Variants in DNAH14 observed in about 807,000 individuals in gnomAD.
DNAH14 encodes the protein axonemal beta dynein heavy chain 14.
DNAH14 carries 478 observed loss-of-function variants against 520.9 expected under a neutral mutation model. The ratio of observed to expected loss-of-function variants is 0.92; its 90% CI spans 0.85 to 0.99. DNAH14 has a LOEUF of 0.99. Among genes scored for constraint, DNAH14 ranks in the 50% least tolerant of loss-of-function variants. DNAH14 has a pLI of 0.00. For synonymous variants in DNAH14, 1,581 were observed against 1,757.2 expected, an observed-to-expected ratio of 0.90 and a Z score of 2.51; for missense variants, 4,831 against 5,234.5, an observed-to-expected ratio of 0.92 and a Z score of 2.38.
intron 10 of DNAH14, among the ~76,000 whole-genome samples, chr1:225,008,205 G>A (rs111848161): frequency 0.055 from 8,374 of 152,084 alleles, 471 homozygotes; most frequent in East Asian, 0.24. Context: ...TTAGTTTGCT[G>A]AGAATGATGG....
At chr1:225,101,628 G>T (rs2075466199) in intron 23 of DNAH14, among the ~76,000 whole-genome samples, 2 of 151,956 alleles carry the variant, frequency 1.3e-5, no homozygotes. Context: ...TTTTGTGCCT[G>T]GTTTTTTTTA....
intron 55 of DNAH14, among the ~76,000 whole-genome samples, chr1:225,297,316 A>G (rs966440896): frequency 2.6e-5 from 4 of 151,288 alleles, no homozygotes; most frequent in African/African-American, 9.7e-5. Context: ...ATCTTACTGC[A>G]TTTCTTTAAG....
chr1:225,301,107 C>A, intron 56 of DNAH14, 77 bp downstream of exon 56: 2 of 1,400,832 alleles, frequency 1.4e-6, no homozygotes, highest in African/African-American at 2.9e-5. Flanking sequence ...ACATGATTTT[C>A]AAGTTGGATA....
At chr1:225,122,005 A>G (rs919044048) in intron 26 of DNAH14, among the ~76,000 whole-genome samples, 4 of 152,142 alleles carry the variant, frequency 2.6e-5, no homozygotes, top group Non-Finnish European at 5.9e-5. Flanking sequence ...CTCCTAAGTC[A>G]TAGGTCTCAC....
In DNAH14 at chr1:224,992,405, A is replaced by T. The variant is rs142429708; in HGVS notation, c.831-10378A>T. ...CTTCCATTTCTTTTATTAACATTTTATAGTTTTCAGTGTATAGGTCTTTCA... is the reference window on the plus strand; with the variant it reads ...CTTCCATTTCTTTTATTAACATTTTTTAGTTTTCAGTGTATAGGTCTTTCA... On this transcript the variant is annotated intron_variant, in intron 8 of 85. Transcript: ENST00000682510. 2.1e-3 allele frequency among the ~76,000 whole-genome samples: 321 copies of T among 152,220 alleles called. 1 individual carries two copies. Among genetic ancestry groups the T allele is most frequent in the African/African-American group, 7.4e-3 (307 of 41,572 alleles).
intron 36 of DNAH14, among the ~76,000 whole-genome samples, chr1:225,180,914 A>G (rs1011352059): frequency 2.0e-5 from 3 of 152,180 alleles, no homozygotes; most frequent in Non-Finnish European, 4.4e-5. Context: ...GCTTCTATTT[A>G]TTCCATTATC....
rs1331492504 is a variant in DNAH14, at chr1:225,367,865, G to A, written c.12151G>A (p.Gly4051Arg). Residue 4051 changes from glycine (G) to arginine (R), a missense_variant, in exon 77 of 86, where the codon GGG becomes AGG. Physicochemically the swap from Gly to Arg is moderately radical, Grantham distance 125. Transcript: ENST00000682510. The stretch of plus-strand genomic sequence containing the variant: ...CTTACTTCAGACATTTGGATGTACT[G>A]GGAGTGGAGAGGTAACAGAAGAGAT... Reference protein sequence around the residue: ...SNLLQTFGCTGSGEVTEEIFE... With the variant: ...SNLLQTFGCTRSGEVTEEIFE... 1.3e-6 allele frequency: 2 copies of A among 1,551,470 alleles called. No homozygotes were observed. The highest frequency in any genetic ancestry group is 1.7e-6 in the Non-Finnish European group (2 of 1,146,892).
chr1:225,206,299 C>A, intron 40 of DNAH14, 120 bp downstream of exon 40: 1 of 893,076 alleles, frequency 1.1e-6, no homozygotes, highest in Non-Finnish European at 1.6e-6. Context: ...GCAGCATGAA[C>A]TCAATAGTTT....
At chr1:225,183,134 C>G (rs1281240217) in intron 36 of DNAH14, among the ~76,000 whole-genome samples, 1 of 152,242 alleles carries the variant, frequency 6.6e-6, no homozygotes, top group Non-Finnish European at 1.5e-5. Flanking sequence ...CCATTGTAAA[C>G]TAGAGTACCA....
At position 225,333,940 on chromosome 1, in the gene DNAH14, A is replaced by G. The variant is rs369825274; in HGVS notation, c.10080+434A>G. 4.2e-4 allele frequency among the ~76,000 whole-genome samples: 64 copies of G among 152,344 alleles called. 1 individual carries two copies. Among genetic ancestry groups the G allele is most frequent in the East Asian group, 1.9e-3 (10 of 5,188 alleles). On this transcript the variant is annotated intron_variant, in intron 66 of 85. Coordinates refer to ENST00000682510, the MANE Select transcript of DNAH14 (RefSeq NM_001367479.1). Reference sequence around the variant, plus strand: ...TATGCTGATGTTTAAAGGATAAAAGAGAAATGCACCTAGCTTTTGTTAATC... The same window carrying G: ...TATGCTGATGTTTAAAGGATAAAAGGGAAATGCACCTAGCTTTTGTTAATC...
intron 19 of DNAH14, among the ~76,000 whole-genome samples, chr1:225,081,551 A>T (rs3128654): frequency 0.74 from 112,395 of 152,106 alleles, 44,401 homozygotes; most frequent in Non-Finnish European, 0.88. Flanking sequence ...GGTTCCCCAG[A>T]TAAAATCTTG....
rs778628387 is a variant in DNAH14 at position 224,960,303 on chromosome 1, G to A, written c.367+1G>A. The A allele has an allele frequency of 2.5e-6, 4 of 1,578,918 alleles. No homozygotes were observed. The highest frequency in any genetic ancestry group is 3.4e-6 in the Non-Finnish European group (4 of 1,166,820). ...AGGCCTGTGTCCTATGATAGAACAG[G>A]TATGTGGTATCACTGAACCAATTGC... On this transcript the variant is annotated splice_donor_variant, in intron 4 of 85. Transcript: ENST00000682510. LOFTEE classifies it high-confidence loss of function.
At chr1:224,966,675 T>G (rs2061188537) in intron 5 of DNAH14, among the ~76,000 whole-genome samples, 1 of 152,110 alleles carries the variant, frequency 6.6e-6, no homozygotes, top group African/African-American at 2.4e-5. Flanking sequence ...TTATCTAACT[T>G]ATCAAAATAT....
intron 84 of DNAH14, among the ~76,000 whole-genome samples, chr1:225,393,441 T>C (rs929450778): frequency 6.6e-6 from 1 of 152,226 alleles, no homozygotes; most frequent in African/African-American, 2.4e-5. Context: ...CTGCAGGCAG[T>C]GTAACACAAT....
At chr1:225,347,280 C>A (rs1274521396) in intron 71 of DNAH14, among the ~76,000 whole-genome samples, 2 of 152,150 alleles carry the variant, frequency 1.3e-5, no homozygotes, top group African/African-American at 4.8e-5. Flanking sequence ...GATCAGAATA[C>A]CTCTGTGAGA....
chr1:225,345,679 G>T (rs2095275295), intron 69 of DNAH14, among the ~76,000 whole-genome samples: 1 of 152,016 alleles, frequency 6.6e-6, no homozygotes, highest in African/African-American at 2.4e-5. Flanking sequence ...ATCATGGAAT[G>T]GTTGCTTATC....
Position 224,964,505 on chromosome 1 carries a change from A to C in DNAH14, c.394A>C (p.Asn132His), listed in dbSNP as rs2061035342. 6.2e-7 allele frequency: 1 copy of C among 1,609,490 alleles called. No homozygotes were observed. Among genetic ancestry groups the C allele is most frequent in the Non-Finnish European group, 8.5e-7 (1 of 1,177,340 alleles). Residue 132 changes from asparagine (N) to histidine (H), a missense_variant, in exon 5 of 86, where the codon AAT (asparagine) becomes CAT (histidine). By Grantham distance (68) the Asn-to-His change is moderately conservative (BLOSUM62 1). Coordinates refer to ENST00000682510, the MANE Select transcript of DNAH14 (RefSeq NM_001367479.1). The stretch of plus-strand genomic sequence containing the variant: ...ACCAAAAGATGATGATGTGATAAGA[A>C]ATATTATTAGGCTACGAGAAAAGCT... ...TEPKDDDVIR[N>H]IIRLREKLGW...
At chr1:225,281,996 A>C (rs1323163383) in intron 54 of DNAH14, among the ~76,000 whole-genome samples, 2 of 152,192 alleles carry the variant, frequency 1.3e-5, no homozygotes, top group African/African-American at 2.4e-5. Context: ...AACTATGTAA[A>C]GATAGTGGAT....
At chr1:225,352,945 T>G (rs1033731308) in intron 72 of DNAH14, among the ~76,000 whole-genome samples, 1 of 152,118 alleles carries the variant, frequency 6.6e-6, no homozygotes, top group African/African-American at 2.4e-5. Flanking sequence ...ACCCATAATT[T>G]ATTATACTGT....
Sources: gnomAD v4.1 joint callset for allele counts (sites outside exome capture counted in the v4.1 genomes callset) on GRCh38, gnomAD v4.1.1 for gene constraint, MANE v1.5 for transcripts, NCBI Gene and HGNC (gene_info 2026-07-23, HGNC 2026-07-21) for gene names.